The following WDR41 variants were observed in gnomAD, a reference collection of about 807,000 sequenced individuals.
WDR41 encodes the protein WD repeat domain 41.
In WDR41, 63 loss-of-function variants were observed where a neutral mutation model predicts 69.3. That is an observed-to-expected ratio of 0.91 (90% CI 0.74 to 1.12). WDR41 has a LOEUF of 1.12. WDR41 is among the 50% of genes most tolerant of loss of function. The probability of loss-of-function intolerance (pLI) is 0.00; values close to 1 mark genes in which losing one functional copy is unlikely to be tolerated. For synonymous variants in WDR41, 185 were observed against 192.1 expected (o/e 0.96, Z 0.31); for missense variants, 543 against 534.5 (o/e 1.02, Z -0.16).
chr5:77,589,090 G>C (rs79339409), intron 1 of WDR41, among the ~76,000 whole-genome samples: 2,871 of 152,264 alleles, frequency 0.019, 46 homozygotes, highest in Non-Finnish European at 0.032. Context: ...CTGGTAATAT[G>C]CATGTTAGGC....
chr5:77,558,303 T>C (rs1743451262), intron 1 of WDR41, among the ~76,000 whole-genome samples: 1 of 152,190 alleles, frequency 6.6e-6, no homozygotes, highest in South Asian at 2.1e-4. Context: ...GAGCTTTTCC[T>C]TGTGCATGAG....
At chr5:77,471,705 C>G (rs928608466) in intron 2 of WDR41, among the ~76,000 whole-genome samples, 2 of 152,166 alleles carry the variant, frequency 1.3e-5, no homozygotes, top group African/African-American at 4.8e-5. Flanking sequence ...TTGACACATA[C>G]ACCCTCCCAA....
intron 1 of WDR41, among the ~76,000 whole-genome samples, chr5:77,567,663 T>TAAAAAA (rs60723638): frequency 1.4e-4 from 15 of 106,382 alleles, no homozygotes; most frequent in African/African-American, 4.8e-4. Context: ...AACCAAATAG[T>TAAAAAA]AAAAAAAAAA....
At chr5:77,444,788 T>C (rs756474518) in intron 8 of WDR41, among the ~76,000 whole-genome samples, 1 of 152,254 alleles carries the variant, frequency 6.6e-6, no homozygotes, top group Non-Finnish European at 1.5e-5. Context: ...CAGATCATTT[T>C]CAAATTTTAA....
At chr5:77,535,164 C>A (rs1742950955) in intron 1 of WDR41, among the ~76,000 whole-genome samples, 1 of 152,118 alleles carries the variant, frequency 6.6e-6, no homozygotes, top group Non-Finnish European at 1.5e-5. Flanking sequence ...CTGGACCCAG[C>A]ATCCTTCATT....
chr5:77,536,034 G>A (rs1286428912), intron 1 of WDR41, among the ~76,000 whole-genome samples: 1 of 152,114 alleles, frequency 6.6e-6, no homozygotes, highest in African/African-American at 2.4e-5. Flanking sequence ...AAAATTGAAG[G>A]TGATTGGTCT....
At chr5:77,539,011 G>T (rs1743040557) in intron 1 of WDR41, among the ~76,000 whole-genome samples, 1 of 152,122 alleles carries the variant, frequency 6.6e-6, no homozygotes, top group African/African-American at 2.4e-5. Context: ...TAAGGTACCA[G>T]CCTGGTAGGG....
Position 77,517,650 on chromosome 5 carries a change from A to G in WDR41, c.43-28078T>C, listed in dbSNP as rs865978956. On this transcript the variant is annotated intron_variant, in intron 1 of 5. Coordinates refer to the WDR41 transcript ENST00000509971. ...ATTGAACATATATATATATATATAT[A>G]TATATATACCAGGCTAACAGGTAAT... is the stretch of plus-strand genomic sequence containing the variant. Among the ~76,000 whole-genome samples the G allele has an allele frequency of 3.1e-4, 41 of 134,418 alleles. 2 individuals are homozygous for G. The Middle Eastern group carries it at 0.015, about 50-fold the overall frequency. 88.2% of individuals were successfully genotyped at this position (134,418 alleles called of 152,430 possible). A position where few individuals can be genotyped will look rare whatever the true frequency, so the allele number is the denominator to read the frequency against.
At chr5:77,452,228 A>C (rs536963953) in intron 6 of WDR41, 47 of 152,318 alleles carry the variant, frequency 3.1e-4, no homozygotes, top group African/African-American at 1.1e-3. Context: ...TACAAGAAGG[A>C]GGAAATGGTG....
At chr5:77,514,523 A>G (rs1361422365) in intron 1 of WDR41, among the ~76,000 whole-genome samples, 1 of 152,172 alleles carries the variant, frequency 6.6e-6, no homozygotes, top group African/African-American at 2.4e-5. Flanking sequence ...TGTAAGCTCT[A>G]TGAGAACCAA....
intron 2 of WDR41, among the ~76,000 whole-genome samples, chr5:77,482,522 T>C (rs1195123122): frequency 2.0e-5 from 3 of 152,174 alleles, no homozygotes; most frequent in Non-Finnish European, 2.9e-5. Context: ...GTCTGGGTTT[T>C]TTTTCCTGTG....
chr5:77,481,716 C>T (rs1015028381), intron 2 of WDR41, among the ~76,000 whole-genome samples: 3 of 135,994 alleles, frequency 2.2e-5, no homozygotes, highest in South Asian at 2.4e-4. Flanking sequence ...ACCTGGGAAG[C>T]GGTGGTTGGA....
chr5:77,461,301 G>A (rs1031764012), intron 4 of WDR41, among the ~76,000 whole-genome samples: 2 of 152,142 alleles, frequency 1.3e-5, no homozygotes, highest in Non-Finnish European at 2.9e-5. Context: ...ATATATGTGT[G>A]TATGTATATA....
At chr5:77,583,153 G>C in intron 1 of WDR41, 1 of 1,193,888 alleles carries the variant, frequency 8.4e-7, no homozygotes, top group Non-Finnish European at 1.2e-6. Flanking sequence ...TTCTAAGCTG[G>C]TTGGTTAATA....
At chr5:77,573,757 G>A (rs1041956388) in intron 1 of WDR41, among the ~76,000 whole-genome samples, 3 of 152,116 alleles carry the variant, frequency 2.0e-5, no homozygotes, top group Non-Finnish European at 2.9e-5. Context: ...AACTAGATGT[G>A]GTCTAGACAG....
At chr5:77,530,692 C>T (rs889023508) in intron 1 of WDR41, among the ~76,000 whole-genome samples, 1 of 151,458 alleles carries the variant, frequency 6.6e-6, no homozygotes, top group African/African-American at 2.4e-5. Context: ...ATGTAGCTGT[C>T]AAAACCTAGA....
In WDR41 at chr5:77,440,814, T is replaced by A. The variant is rs1799128194; in HGVS notation, c.881A>T (p.Glu294Val). The A allele has an allele frequency of 5.0e-6, 8 of 1,613,876 alleles. No homozygotes were observed. Among genetic ancestry groups the A allele is most frequent in the Non-Finnish European group, 5.9e-6 (7 of 1,179,906 alleles). Residue 294 changes from glutamate to valine, a missense_variant and splice_region_variant, in exon 9 of 13, where the codon GAG (glutamate) becomes GTG (valine). Glu to Val is a moderately radical substitution (Grantham distance 121). Coordinates refer to ENST00000296679, the MANE Select transcript of WDR41 (RefSeq NM_018268.4). ...ATAGATAGTGTATACATTTTTTACC[T>A]CTTCATCACATGTGAAATGATGAAT... ...ISIHHFTCDE[E>V]NVFAAVGRGL...
intron 11 of WDR41, among the ~76,000 whole-genome samples, chr5:77,437,070 T>C (rs67736145): frequency 0.017 from 2,519 of 152,310 alleles, 34 homozygotes; most frequent in Non-Finnish European, 0.026. Context: ...ATTAGGCCAT[T>C]TGGTCATTCA....
Position 77,489,642 on chromosome 5 carries a change from AT to A in WDR41, c.52-71del, listed in dbSNP as rs1344268472. 18 of 948,066 alleles carry A rather than the reference AT, an allele frequency of 1.9e-5. No homozygotes were observed. The African/African-American group carries it at 3.0e-4, about 16-fold the overall frequency. The allele number at this position is 948,066 out of a possible 1,614,324, so 58.7% of individuals were successfully genotyped here. Reference sequence around the variant, plus strand: ...AAGAGATAAAATGATTTGTAAGACCATATTGGAATATAACTCCATGGTATAC... The same window carrying A: ...AAGAGATAAAATGATTTGTAAGACCAATTGGAATATAACTCCATGGTATAC... On this transcript the variant is annotated intron_variant, in intron 1 of 12. Coordinates refer to ENST00000296679, the MANE Select transcript of WDR41 (RefSeq NM_018268.4).
Sources: allele counts gnomAD v4.1 joint callset (sites outside exome capture counted in the v4.1 genomes callset), GRCh38; gene constraint gnomAD v4.1.1; transcripts MANE v1.5; gene names NCBI Gene and HGNC (gene_info 2026-07-23, HGNC 2026-07-21).